Variants in SPEF2 observed in about 807,000 individuals in gnomAD.
SPEF2 encodes sperm flagellar and cilia associated 2.
A neutral mutation model predicts 224.6 loss-of-function variants in SPEF2; 187 were observed. The ratio of observed to expected loss-of-function variants is 0.83; its 90% CI spans 0.74 to 0.94. The LOEUF (loss-of-function observed/expected upper bound fraction) is 0.94, where lower values mean the gene tolerates loss of function less well. SPEF2 is among the 40% of genes least tolerant of loss of function. The probability of loss-of-function intolerance (pLI) is 0.00; values close to 1 mark genes in which losing one functional copy is unlikely to be tolerated. For synonymous variants in SPEF2, 715 were observed against 707.3 expected (o/e 1.01, Z -0.17); for missense variants, 2,170 against 2,135.6 (o/e 1.02, Z -0.32).
intron 16 of SPEF2, among the ~76,000 whole-genome samples, chr5:35,702,501 G>C (rs962642391): frequency 6.6e-6 from 1 of 152,164 alleles, no homozygotes; most frequent in African/African-American, 2.4e-5. Context: ...GGTACAGATA[G>C]GTTTTGAGTT....
At chr5:35,719,078 G>A (rs1743142700) in intron 20 of SPEF2, among the ~76,000 whole-genome samples, 1 of 152,192 alleles carries the variant, frequency 6.6e-6, no homozygotes, top group African/African-American at 2.4e-5. Flanking sequence ...AAACCTCCGA[G>A]TCATGGGCAT....
intron 10 of SPEF2, among the ~76,000 whole-genome samples, chr5:35,678,295 T>C (rs954328140): frequency 6.6e-6 from 1 of 152,200 alleles, no homozygotes. Flanking sequence ...AACCATGATA[T>C]AGTTCCATAG....
chr5:35,686,627 T>C (rs1056259711), intron 10 of SPEF2, among the ~76,000 whole-genome samples: 20 of 152,090 alleles, frequency 1.3e-4, no homozygotes, highest in Admixed American at 2.6e-4. Flanking sequence ...ACCCTCTCAA[T>C]AGTGGTGAAT....
At chr5:35,715,349 T>C (rs1244072341) in intron 20 of SPEF2, among the ~76,000 whole-genome samples, 1 of 152,064 alleles carries the variant, frequency 6.6e-6, no homozygotes, top group Non-Finnish European at 1.5e-5. Flanking sequence ...CCAACTTTAA[T>C]GTCCATTGAA....
chr5:35,626,226 A>G (rs574275263), intron 1 of SPEF2, among the ~76,000 whole-genome samples: 34 of 152,308 alleles, frequency 2.2e-4, no homozygotes, highest in Admixed American at 1.1e-3. Context: ...AGTGTTTCAC[A>G]TTAAGACATA....
At chr5:35,772,079 AC>A (rs1232932023) in intron 27 of SPEF2, among the ~76,000 whole-genome samples, 5 of 152,362 alleles carry the variant, frequency 3.3e-5, no homozygotes, top group African/African-American at 1.2e-4. Flanking sequence ...CACTGCAGTA[AC>A]AAAGAGAAGT....
intron 33 of SPEF2, among the ~76,000 whole-genome samples, chr5:35,798,226 CTG>C (rs567438453): frequency 4.9e-4 from 74 of 152,268 alleles, no homozygotes; most frequent in Admixed American, 3.2e-3. Flanking sequence ...TTCCGTGGCT[CTG>C]TGTTTTACTC....
At chr5:35,706,192 G>A (rs1739730139) in intron 18 of SPEF2, among the ~76,000 whole-genome samples, 2 of 151,746 alleles carry the variant, frequency 1.3e-5, no homozygotes, top group Non-Finnish European at 1.5e-5. Flanking sequence ...TGTAGATAAA[G>A]GTAAAGGTTT....
intron 10 of SPEF2, chr5:35,675,529 CT>C (rs10709245): frequency 0.31 from 41,587 of 134,758 alleles, 4,758 homozygotes; most frequent in South Asian, 0.36. Context: ...GTTAGGATTC[CT>C]TTTTTTTTTT....
intron 34 of SPEF2, among the ~76,000 whole-genome samples, chr5:35,805,842 A>G (rs1757985466): frequency 6.6e-6 from 1 of 152,108 alleles, no homozygotes; most frequent in African/African-American, 2.4e-5. Context: ...CACTTATTCT[A>G]TCATGAGTGT....
rs1744947628 is a variant in SPEF2, at chr5:35,727,904, C to G, written c.3063+81C>G. The G allele has an allele frequency of 4.8e-6, 7 of 1,456,766 alleles. No individual in the cohort carries two copies. The Admixed American group carries it at 8.7e-5, about 18-fold the overall frequency. The allele number at this position is 1,456,766 out of a possible 1,614,324, so 90.2% of individuals were successfully genotyped here. ...AGATTCACACTGTCATTTGCAACAT[C>G]CTGAAGGCCTTTTACAGCAGGTAAT... On this transcript the variant is annotated intron_variant, in intron 21 of 36. Transcript: ENST00000356031.
chr5:35,711,794 A>G (rs1741198229), intron 19 of SPEF2, among the ~76,000 whole-genome samples: 2 of 152,152 alleles, frequency 1.3e-5, no homozygotes, highest in South Asian at 4.1e-4. Flanking sequence ...GCATTTATAC[A>G]TTCTTATAAC....
intron 21 of SPEF2, among the ~76,000 whole-genome samples, chr5:35,731,219 G>A (rs1580485737): frequency 6.6e-6 from 1 of 152,092 alleles, no homozygotes. Flanking sequence ...TAGTAATAAG[G>A]TTTTGTGAGT....
intron 30 of SPEF2, among the ~76,000 whole-genome samples, chr5:35,786,582 C>G (rs999657402): frequency 6.6e-6 from 1 of 152,112 alleles, no homozygotes; most frequent in African/African-American, 2.4e-5. Flanking sequence ...ATTGCTTGAA[C>G]CCAGGAGGCG....
chr5:35,675,344 T>C (rs1751802030), intron 10 of SPEF2, among the ~76,000 whole-genome samples: 1 of 152,190 alleles, frequency 6.6e-6, no homozygotes. Flanking sequence ...GGAAGGAAGA[T>C]TGATGTTGAA....
intron 14 of SPEF2, among the ~76,000 whole-genome samples, chr5:35,696,283 A>G (rs1380569340): frequency 6.6e-6 from 1 of 152,180 alleles, no homozygotes; most frequent in African/African-American, 2.4e-5. Context: ...GTGGAATTTT[A>G]TCTTTTGTAT....
intron 1 of SPEF2, among the ~76,000 whole-genome samples, chr5:35,623,429 C>A (rs1205853044): frequency 6.6e-6 from 1 of 152,148 alleles, no homozygotes; most frequent in Non-Finnish European, 1.5e-5. Flanking sequence ...TGCCACTGAG[C>A]ATAAAATGGT....
chr5:35,660,969 C>G (rs1048250087), intron 8 of SPEF2, among the ~76,000 whole-genome samples: 1 of 152,006 alleles, frequency 6.6e-6, no homozygotes, highest in East Asian at 1.9e-4. Flanking sequence ...CCTTTTCCAA[C>G]AGCGGAGCTA....
chr5:35,763,812 A>G, intron 26 of SPEF2, 110 bp downstream of exon 26: 1 of 1,040,570 alleles, frequency 9.6e-7, no homozygotes, highest in Non-Finnish European at 1.3e-6. Flanking sequence ...GCACTGTAGA[A>G]AATTGTACCT....
Sources: gnomAD v4.1 joint callset for allele counts (sites outside exome capture counted in the v4.1 genomes callset) on GRCh38, gnomAD v4.1.1 for gene constraint, MANE v1.5 for transcripts, NCBI Gene and HGNC (gene_info 2026-07-23, HGNC 2026-07-21) for gene names.